RYR3: variants seen among roughly 807,000 people sequenced by gnomAD.
The protein encoded by RYR3 is ryanodine receptor 3, also known as brain ryanodine receptor-calcium release channel.
In RYR3, 207 loss-of-function variants were observed where a neutral mutation model predicts 584.3. The observed-to-expected ratio is 0.35, with a 90% CI of 0.32 to 0.40. The LOEUF is 0.40. Among genes scored for constraint, RYR3 ranks in the 10% least tolerant of loss-of-function variants. RYR3 has a pLI of 1.00. For missense variants in RYR3, 5,616 were observed against 6,089.2 expected (o/e 0.92, Z 2.59); for synonymous variants, 2,416 against 2,248.5 (o/e 1.07, Z -2.11).
intron 69 of RYR3, among the ~76,000 whole-genome samples, chr15:33,804,545 G>A (rs1390012514): frequency 2.6e-5 from 4 of 152,176 alleles, no homozygotes; most frequent in African/African-American, 9.7e-5. Flanking sequence ...AGATGTTCTG[G>A]TTTAAGGTCA....
intron 1 of RYR3, among the ~76,000 whole-genome samples, chr15:33,339,557 G>A (rs1034904981): frequency 1.8e-4 from 27 of 152,184 alleles, no homozygotes; most frequent in African/African-American, 5.3e-4. Flanking sequence ...GATAGCCTCA[G>A]AAGGCAAGGA....
At chr15:33,827,435 C>T (rs2152966827) in intron 85 of RYR3, 148 bp downstream of exon 85, 2 of 658,732 alleles carry the variant, frequency 3.0e-6, no homozygotes, top group Non-Finnish European at 5.3e-6. Context: ...CATGGGAAGT[C>T]CAGTGCCCAA....
At chr15:33,495,619 C>G (rs186237870) in intron 2 of RYR3, among the ~76,000 whole-genome samples, 1 of 152,100 alleles carries the variant, frequency 6.6e-6, no homozygotes, top group Admixed American at 6.5e-5. Flanking sequence ...TAAGTTTTAC[C>G]TAGTTCCTTT....
At chr15:33,397,910 A>T (rs968519663) in intron 1 of RYR3, among the ~76,000 whole-genome samples, 1 of 152,184 alleles carries the variant, frequency 6.6e-6, no homozygotes, top group Non-Finnish European at 1.5e-5. Context: ...CCATCCCATC[A>T]TGGCCAGAAA....
rs1362767126 is a variant in RYR3, at chr15:33,550,095, G to A, written c.816-65G>A. 5 of 1,516,814 alleles carry A rather than the reference G, an allele frequency of 3.3e-6. No homozygotes were observed. The East Asian group carries it at 9.2e-5, about 28-fold the overall frequency. The allele number at this position is 1,516,814 out of a possible 1,614,324, so 94.0% of individuals were successfully genotyped here. A position where few individuals can be genotyped will look rare whatever the true frequency, so the allele number is the denominator to read the frequency against. On this transcript the variant is annotated intron_variant, in intron 9 of 103. Transcript: ENST00000634891. ...CTGCTAGCATGTGTAAGAAAGCATA[G>A]GATAAATACTGAAAAGGACTTATTT... is the stretch of plus-strand genomic sequence containing the variant.
In RYR3 at chr15:33,707,807, A is replaced by G. The variant is rs116268656; in HGVS notation, c.6619+753A>G. ...AAAGAGAGATTGCAGCTAACACACA[A>G]TCATGCCAGTTGTTCTAAGAATTTG... On this transcript the variant is annotated intron_variant, in intron 43 of 103. Transcript: ENST00000634891. 2.3e-3 allele frequency among the ~76,000 whole-genome samples: 351 copies of G among 152,248 alleles called. 2 individuals are homozygous for G. Among genetic ancestry groups the G allele is most frequent in the African/African-American group, 8.2e-3 (341 of 41,540 alleles).
chr15:33,652,172 TAAGTC>T (rs2062515726), intron 31 of RYR3, among the ~76,000 whole-genome samples: 1 of 152,122 alleles, frequency 6.6e-6, no homozygotes. Context: ...CAGGGGCTCA[TAAGTC>T]AAGGTAGCAG....
chr15:33,628,565 C>G lies in RYR3; in HGVS notation c.2669C>G (p.Thr890Ser), dbSNP rs2061112513. 6.2e-7 allele frequency: 1 copy of G among 1,610,688 alleles called. No homozygotes were observed. Among genetic ancestry groups the G allele is most frequent in the Non-Finnish European group, 8.5e-7 (1 of 1,177,114 alleles). The change falls in exon 21 of 104, where the codon ACT (threonine) becomes AGT (serine). Residue 890 changes from threonine to serine, a missense_variant. Thr to Ser is a moderately conservative substitution (Grantham distance 58). Transcript: ENST00000634891. Reference sequence around the variant, plus strand: ...ATGAATAAAATAGAACTTGGCTGGACTTTCGGCAAGGTATGTGTCTCAGGG... The same window carrying G: ...ATGAATAAAATAGAACTTGGCTGGAGTTTCGGCAAGGTATGTGTCTCAGGG... ...WGMNKIELGWTFGKIRDDNKR... is the reference protein window; with the variant it reads ...WGMNKIELGWSFGKIRDDNKR...
intron 60 of RYR3, among the ~76,000 whole-genome samples, chr15:33,759,148 A>T (rs1357444792): frequency 6.6e-6 from 1 of 152,248 alleles, no homozygotes; most frequent in Admixed American, 6.5e-5. Flanking sequence ...AAGGTCACCA[A>T]CATCAAAGAT....
Position 33,859,688 on chromosome 15 carries a change from C to A in RYR3, c.14256C>A (p.Thr4752=), listed in dbSNP as rs1029546335. The A allele has an allele frequency of 6.2e-7, 1 of 1,613,186 alleles. No individual in the cohort carries two copies. The highest frequency in any genetic ancestry group is 1.3e-5 in the African/African-American group (1 of 75,026). The change falls in exon 100 of 104, where the codon ACC becomes ACA. Residue 4752 remains threonine, a synonymous_variant. Transcript: ENST00000634891. ...YEMYRIVFDI[T]FFFFVIVILL... ...TGTATCGCATTGTCTTTGACATTAC[C>A]TTTTTCTTCTTCGTCATTGTCATCT...
chr15:33,580,401 A>T (rs2058529989), intron 13 of RYR3, among the ~76,000 whole-genome samples: 1 of 152,162 alleles, frequency 6.6e-6, no homozygotes, highest in Admixed American at 6.5e-5. Context: ...ATACATTTTC[A>T]GTAAATTTCA....
chr15:33,644,210 A>G lies in RYR3; in HGVS notation c.3557-101A>G, dbSNP rs932136797. 4.9e-6 allele frequency: 4 copies of G among 824,562 alleles called. No homozygotes were observed. In the South Asian group the frequency reaches 6.7e-5, roughly 14 times the overall value. 51.1% of individuals were successfully genotyped at this position (824,562 alleles called of 1,614,324 possible). A position where few individuals can be genotyped will look rare whatever the true frequency, so the allele number is the denominator to read the frequency against. On this transcript the variant is annotated intron_variant, in intron 27 of 103. Transcript: ENST00000634891. The stretch of plus-strand genomic sequence containing the variant: ...GAACGGGTTGTGTCACATCTTTCCT[A>G]CTGGGAGTCAAAGCCCTTAAGGAAG...
intron 2 of RYR3, among the ~76,000 whole-genome samples, chr15:33,498,039 G>A (rs1596373759): frequency 1.3e-5 from 2 of 152,098 alleles, no homozygotes; most frequent in Admixed American, 1.3e-4. Flanking sequence ...ACGAATGACA[G>A]GATTTTAATC....
At chr15:33,514,339 T>G (rs958847344) in intron 3 of RYR3, among the ~76,000 whole-genome samples, 2 of 152,122 alleles carry the variant, frequency 1.3e-5, no homozygotes, top group African/African-American at 4.8e-5. Flanking sequence ...TCATCTGCCT[T>G]GAAAAGATGG....
chr15:33,837,563 C>A, intron 88 of RYR3, 68 bp from the exon 89 acceptor site: 3 of 1,456,510 alleles, frequency 2.1e-6, no homozygotes, highest in South Asian at 1.5e-5. Flanking sequence ...AAAATAGCTA[C>A]CTGACAAGTG....
intron 38 of RYR3, among the ~76,000 whole-genome samples, chr15:33,678,426 C>A (rs935464553): frequency 1.3e-5 from 2 of 152,224 alleles, no homozygotes; most frequent in Admixed American, 6.5e-5. Flanking sequence ...TCCCCTCTGC[C>A]TTCCACCACA....
At chr15:33,806,100 C>T (rs1391917821) in intron 69 of RYR3, among the ~76,000 whole-genome samples, 5 of 152,224 alleles carry the variant, frequency 3.3e-5, no homozygotes, top group South Asian at 2.1e-4. Context: ...GTCATTGCTT[C>T]GGTTACCTTC....
At chr15:33,554,620 A>T (rs889294445) in intron 10 of RYR3, among the ~76,000 whole-genome samples, 1 of 152,190 alleles carries the variant, frequency 6.6e-6, no homozygotes, top group Non-Finnish European at 1.5e-5. Context: ...TTACAGAAAC[A>T]TCCTGCCATC....
chr15:33,443,573 G>A (rs2046396185), intron 1 of RYR3, among the ~76,000 whole-genome samples: 1 of 152,062 alleles, frequency 6.6e-6, no homozygotes, highest in African/African-American at 2.4e-5. Flanking sequence ...ATATCCTATT[G>A]TGTGTTGCTT....
Sources: allele counts gnomAD v4.1 joint callset (sites outside exome capture counted in the v4.1 genomes callset), GRCh38; gene constraint gnomAD v4.1.1; transcripts MANE v1.5; gene names NCBI Gene and HGNC (gene_info 2026-07-23, HGNC 2026-07-21).